MCF2: variants seen among roughly 807,000 people sequenced by gnomAD.
MCF2 encodes MCF.2 cell line derived transforming sequence.
In MCF2, 44 loss-of-function variants were observed where a neutral mutation model predicts 82.5. That is an observed-to-expected ratio of 0.53 (90% CI 0.42 to 0.69). The LOEUF is 0.69. MCF2 is among the 30% of genes least tolerant of loss of function. The probability of loss-of-function intolerance (pLI) is 0.00; values close to 1 mark genes in which losing one functional copy is unlikely to be tolerated. For synonymous variants in MCF2, 217 were observed against 224.9 expected, an observed-to-expected ratio of 0.96 and a Z score of 0.32; for missense variants, 623 against 663.1, an observed-to-expected ratio of 0.94 and a Z score of 0.66.
intron 1 of MCF2, among the ~76,000 whole-genome samples, chrX:139,702,958 C>T (rs1409596407): frequency 8.9e-6 from 1 of 112,332 alleles, no homozygotes; most frequent in Admixed American, 9.4e-5. Flanking sequence ...AGCTACCTAG[C>T]CAAGGTCATA....
At chrX:139,645,571 G>A (rs868563949), upstream of MCF2, 1 of 1,170,203 alleles carries the variant, frequency 8.5e-7, no homozygotes, top group Non-Finnish European at 1.2e-6. Flanking sequence ...TACTTACCGA[G>A]ATTTTTTGGA....
At chrX:139,669,699 A>G (rs770701127) in intron 1 of MCF2, among the ~76,000 whole-genome samples, 1 of 112,633 alleles carries the variant, frequency 8.9e-6, no homozygotes, top group African/African-American at 3.2e-5. Context: ...CATACAGTGG[A>G]AAATTATTTG....
intron 1 of MCF2, among the ~76,000 whole-genome samples, chrX:139,640,048 C>T (rs983099675): frequency 8.1e-5 from 9 of 111,013 alleles, no homozygotes; most frequent in East Asian, 5.7e-4. Flanking sequence ...AGCGGTAGTA[C>T]GGCCTATCTG....
chrX:139,597,869 C>T (rs994308346), intron 17 of MCF2, among the ~76,000 whole-genome samples: 2 of 111,616 alleles, frequency 1.8e-5, no homozygotes, highest in African/African-American at 3.2e-5. Flanking sequence ...AAAGCCATTA[C>T]ATGTAGGGTT....
chrX:139,706,145 T>C (rs778243234), intron 1 of MCF2, among the ~76,000 whole-genome samples: 1 of 112,552 alleles, frequency 8.9e-6, no homozygotes, highest in Non-Finnish European at 1.9e-5. Flanking sequence ...CCAGCCGCTG[T>C]GGAAAGCAGT....
chrX:139,617,479 C>A, intron 8 of MCF2, 34 bp downstream of exon 11: 1 of 1,092,886 alleles, frequency 9.2e-7, no homozygotes. Context: ...ATGTGTGTTC[C>A]TTTTCAGAAA....
Position 139,653,892 on chromosome X carries a change from G to A in MCF2, c.-44-2104C>T, listed in dbSNP as rs150356430. ...TCTCACATATTAGTGAGAACAAGCA[G>A]TATTTGTGTTTCTGTGTTTGGCTTA... is the stretch of plus-strand genomic sequence containing the variant. On this transcript the variant is annotated intron_variant, in intron 1 of 27. Coordinates refer to the MCF2 transcript ENST00000414978. Among the ~76,000 whole-genome samples, 238 of 110,792 alleles carry A rather than the reference G, an allele frequency of 2.1e-3. 2 individuals carry two copies. The Middle Eastern group carries it at 0.032, about 15-fold the overall frequency.
chrX:139,657,228 A>C (rs1230136574), intron 1 of MCF2, among the ~76,000 whole-genome samples: 1 of 112,609 alleles, frequency 8.9e-6, no homozygotes, highest in Non-Finnish European at 1.9e-5. Flanking sequence ...CCTACATATG[A>C]TCAAAAAGCA....
At chrX:139,680,231 C>T (rs775934562) in intron 1 of MCF2, among the ~76,000 whole-genome samples, 3 of 111,956 alleles carry the variant, frequency 2.7e-5, no homozygotes, top group South Asian at 7.5e-4. Context: ...TCAAGCGATC[C>T]TCCCGCCTAA....
At chrX:139,598,985 G>A (rs1930317163) in intron 16 of MCF2, among the ~76,000 whole-genome samples, 1 of 110,137 alleles carries the variant, frequency 9.1e-6, no homozygotes, top group Non-Finnish European at 1.9e-5. Context: ...TCAGTAATTG[G>A]CCCATTGCCA....
At chrX:139,645,651 C>G, upstream of MCF2, 1 of 1,167,712 alleles carries the variant, frequency 8.6e-7, no homozygotes, top group Non-Finnish European at 1.2e-6. Context: ...GAGTCTGATC[C>G]ATTTTGCCTG....
At chrX:139,665,711 C>T (rs1254899003) in intron 1 of MCF2, among the ~76,000 whole-genome samples, 1 of 108,582 alleles carries the variant, frequency 9.2e-6, no homozygotes, top group Non-Finnish European at 1.9e-5. Context: ...TTTGGTGTTC[C>T]TGCAGGGGGT....
intron 1 of MCF2, among the ~76,000 whole-genome samples, chrX:139,659,500 G>C (rs1042712041): frequency 9.0e-6 from 1 of 110,908 alleles, no homozygotes; most frequent in African/African-American, 3.3e-5. Flanking sequence ...TCAGATCCCA[G>C]AGTGTAACAG....
intron 1 of MCF2, among the ~76,000 whole-genome samples, chrX:139,704,948 G>A (rs1219688828): frequency 9.1e-6 from 1 of 110,003 alleles, no homozygotes; most frequent in African/African-American, 3.3e-5. Flanking sequence ...GCAATCCAAA[G>A]CAAAAAGAAC....
chrX:139,630,972 T>A, intron 3 of MCF2, among the ~76,000 whole-genome samples: 1 of 112,149 alleles, frequency 8.9e-6, no homozygotes, highest in Non-Finnish European at 1.9e-5. Context: ...TTAAGATCCC[T>A]GTGAGGTAAG....
At chrX:139,683,739 T>A (rs1935057582) in intron 1 of MCF2, among the ~76,000 whole-genome samples, 1 of 111,914 alleles carries the variant, frequency 8.9e-6, no homozygotes, top group Non-Finnish European at 1.9e-5. Context: ...AAGGATATTC[T>A]TTTTAATAAA....
exon 19 of MCF2, chrX:139,596,722 C>T (rs376642680): frequency 8.3e-6 from 10 of 1,208,266 alleles, no homozygotes; most frequent in African/African-American, 1.8e-5. Context: ...CCTATCCAAA[C>T]GCTGAATCCA....
At chrX:139,700,353 T>C (rs1318542679) in intron 1 of MCF2, among the ~76,000 whole-genome samples, 1 of 111,872 alleles carries the variant, frequency 8.9e-6, no homozygotes, top group Non-Finnish European at 1.9e-5. Flanking sequence ...AATCATCCTG[T>C]CTGGAGGCAC....
intron 1 of MCF2, among the ~76,000 whole-genome samples, chrX:139,666,632 T>C (rs1380922808): frequency 1.8e-5 from 2 of 111,257 alleles, no homozygotes; most frequent in African/African-American, 6.5e-5. Flanking sequence ...TTGCTGTGGT[T>C]AGAATTCACT....
Sources: allele counts gnomAD v4.1 joint callset (sites outside exome capture counted in the v4.1 genomes callset), GRCh38; gene constraint gnomAD v4.1.1; transcripts MANE v1.5; gene names NCBI Gene and HGNC (gene_info 2026-07-23, HGNC 2026-07-21).